Variants in CNTNAP5 observed in about 807,000 individuals in gnomAD.
CNTNAP5 encodes the protein contactin associated protein family member 5.
In CNTNAP5, 72 loss-of-function variants were observed where a neutral mutation model predicts 150.2. The observed-to-expected ratio is 0.48, with a 90% CI of 0.40 to 0.58. The LOEUF is 0.58. Among genes scored for constraint, CNTNAP5 ranks in the 20% least tolerant of loss-of-function variants. The pLI, the probability that CNTNAP5 is intolerant of heterozygous loss-of-function variation, is 0.00. For synonymous variants in CNTNAP5, 672 were observed against 619.8 expected, an observed-to-expected ratio of 1.08 and a Z score of -1.25; for missense variants, 1,636 against 1,626.2, an observed-to-expected ratio of 1.01 and a Z score of -0.10.
At chr2:124,373,973 G>A (rs1690589344) in intron 3 of CNTNAP5, among the ~76,000 whole-genome samples, 1 of 151,964 alleles carries the variant, frequency 6.6e-6, no homozygotes, top group Admixed American at 6.6e-5. Context: ...TATTTGCAGT[G>A]TGATATCACT....
At chr2:124,504,269 G>A (rs1167093855) in intron 7 of CNTNAP5, 23 bp from the exon 8 acceptor site, 2 of 1,604,432 alleles carry the variant, frequency 1.2e-6, no homozygotes, top group South Asian at 2.2e-5. Context: ...GCTTTTATAT[G>A]TTTGACTTTT....
chr2:124,246,341 C>A (rs1354584605), intron 3 of CNTNAP5, among the ~76,000 whole-genome samples: 1 of 152,050 alleles, frequency 6.6e-6, no homozygotes, highest in Non-Finnish European at 1.5e-5. Context: ...TGAATGAGGT[C>A]ACCAAACAGC....
intron 3 of CNTNAP5, among the ~76,000 whole-genome samples, chr2:124,332,177 A>T (rs1051377868): frequency 1.3e-5 from 2 of 151,610 alleles, no homozygotes; most frequent in Non-Finnish European, 3.0e-5. Flanking sequence ...TCTGTACTAA[A>T]TCCATATTTT....
At chr2:124,374,993 A>T (rs74928958) in intron 3 of CNTNAP5, among the ~76,000 whole-genome samples, 1 of 152,124 alleles carries the variant, frequency 6.6e-6, no homozygotes, top group African/African-American at 2.4e-5. Flanking sequence ...CTAAAATTCT[A>T]TGAATCTAAC....
intron 6 of CNTNAP5, among the ~76,000 whole-genome samples, chr2:124,461,531 G>T (rs1284927960): frequency 1.6e-5 from 2 of 125,342 alleles, no homozygotes; most frequent in Non-Finnish European, 3.3e-5. Flanking sequence ...CTGTTGTGGG[G>T]TGGGGGGAGG....
Position 124,916,921 on chromosome 2 carries a change from G to A in CNTNAP5, c.*2633G>A, listed in dbSNP as rs899395949. Among the ~76,000 whole-genome samples, 2 of 151,996 alleles carry A rather than the reference G, an allele frequency of 1.3e-5. No homozygotes were observed. Among genetic ancestry groups the A allele is most frequent in the Non-Finnish European group, 1.5e-5 (1 of 67,962 alleles). On this transcript the variant is annotated 3_prime_UTR_variant, in exon 24 of 24. Coordinates refer to ENST00000682447, the MANE Select transcript of CNTNAP5 (RefSeq NM_001367498.1). ...ACACTAACTTTCACTAGATATATATGAAATGCAAGTGATCCGTACCCTCCA... is the reference window on the plus strand; with the variant it reads ...ACACTAACTTTCACTAGATATATATAAAATGCAAGTGATCCGTACCCTCCA...
chr2:124,585,907 G>A lies in CNTNAP5; in HGVS notation c.1756+22584G>A, dbSNP rs566634969. ...TTCTCTCTTTTTTACTGCACACCAC[G>A]AACTCAACTCTCAACAACAGTATCA... On this transcript the variant is annotated intron_variant, in intron 11 of 23. Coordinates refer to ENST00000682447, the MANE Select transcript of CNTNAP5 (RefSeq NM_001367498.1). Among the ~76,000 whole-genome samples the A allele has an allele frequency of 1.6e-4, 24 of 152,062 alleles. No homozygotes were observed. The East Asian group carries it at 3.7e-3, about 23-fold the overall frequency.
intron 1 of CNTNAP5, among the ~76,000 whole-genome samples, chr2:124,074,316 G>T (rs924628874): frequency 6.6e-6 from 1 of 152,004 alleles, no homozygotes; most frequent in Non-Finnish European, 1.5e-5. Context: ...TAATTTGATT[G>T]TATATTTTTA....
intron 7 of CNTNAP5, among the ~76,000 whole-genome samples, chr2:124,496,177 G>C (rs1444364995): frequency 6.6e-6 from 1 of 152,112 alleles, no homozygotes; most frequent in Non-Finnish European, 1.5e-5. Context: ...GAAGGAGCCT[G>C]TCTTTCCCAA....
At chr2:124,262,268 A>G (rs1387578123) in intron 3 of CNTNAP5, among the ~76,000 whole-genome samples, 2 of 151,926 alleles carry the variant, frequency 1.3e-5, no homozygotes, top group African/African-American at 4.8e-5. Flanking sequence ...TGAATAACCC[A>G]CCCCATTCTA....
At chr2:124,098,103 C>A (rs1387104218) in intron 1 of CNTNAP5, among the ~76,000 whole-genome samples, 5 of 152,140 alleles carry the variant, frequency 3.3e-5, no homozygotes, top group Non-Finnish European at 5.9e-5. Context: ...TTAATAATAG[C>A]CTATTATCGG....
At chr2:124,423,738 C>A (rs1361644097) in intron 4 of CNTNAP5, among the ~76,000 whole-genome samples, 3 of 129,102 alleles carry the variant, frequency 2.3e-5, no homozygotes, top group Non-Finnish European at 4.7e-5. Context: ...AATCGCGGCT[C>A]ACTGCAAGCT....
At chr2:124,321,837 G>C (rs533412749) in intron 3 of CNTNAP5, among the ~76,000 whole-genome samples, 11 of 152,218 alleles carry the variant, frequency 7.2e-5, no homozygotes, top group Non-Finnish European at 1.6e-4. Flanking sequence ...TAATTTTAAG[G>C]CTCTAAATTT....
chr2:124,885,307 T>A (rs1678055069), intron 21 of CNTNAP5, among the ~76,000 whole-genome samples: 1 of 152,044 alleles, frequency 6.6e-6, no homozygotes, highest in Admixed American at 6.6e-5. Flanking sequence ...TGATTGTGGA[T>A]GTCATTCACG....
intron 13 of CNTNAP5, among the ~76,000 whole-genome samples, chr2:124,690,609 G>T (rs1355881583): frequency 6.6e-6 from 1 of 151,926 alleles, no homozygotes; most frequent in Non-Finnish European, 1.5e-5. Flanking sequence ...CTGCTGGCTG[G>T]GATCTCCAGC....
intron 1 of CNTNAP5, among the ~76,000 whole-genome samples, chr2:124,161,597 T>C (rs2579824): frequency 0.78 from 118,843 of 152,140 alleles, 47,554 homozygotes; most frequent in Non-Finnish European, 0.86. Context: ...CACTGATATA[T>C]TACTTACTCA....
At chr2:124,378,830 ACT>A (rs1168984701) in intron 3 of CNTNAP5, among the ~76,000 whole-genome samples, 1 of 151,912 alleles carries the variant, frequency 6.6e-6, no homozygotes, top group Non-Finnish European at 1.5e-5. Flanking sequence ...GATACTCGTT[ACT>A]CTCTGTTTAC....
intron 10 of CNTNAP5, among the ~76,000 whole-genome samples, chr2:124,544,931 A>G (rs745603437): frequency 6.6e-6 from 1 of 152,148 alleles, no homozygotes; most frequent in Non-Finnish European, 1.5e-5. Context: ...AGACAATTAC[A>G]TCAGGAGACA....
intron 10 of CNTNAP5, among the ~76,000 whole-genome samples, chr2:124,546,463 T>C (rs1007643023): frequency 2.0e-5 from 3 of 152,108 alleles, no homozygotes; most frequent in African/African-American, 7.2e-5. Flanking sequence ...CAAACGTATA[T>C]GACTATGAAG....
Sources: gnomAD v4.1 joint callset for allele counts (sites outside exome capture counted in the v4.1 genomes callset) on GRCh38, gnomAD v4.1.1 for gene constraint, MANE v1.5 for transcripts, NCBI Gene and HGNC (gene_info 2026-07-23, HGNC 2026-07-21) for gene names.